The following OSBPL10 variants were observed in gnomAD, a reference collection of about 807,000 sequenced individuals.
OSBPL10 encodes the protein oxysterol binding protein like 10, also known as oxysterol-binding protein-related protein 10.
A neutral mutation model predicts 81.7 loss-of-function variants in OSBPL10; 49 were observed. That is an observed-to-expected ratio of 0.60 (90% CI 0.48 to 0.76). OSBPL10 has a LOEUF of 0.76. Ranked by LOEUF, OSBPL10 falls within the 30% of genes least tolerant of loss-of-function variation. The pLI, the probability that OSBPL10 is intolerant of heterozygous loss-of-function variation, is 0.00. For synonymous variants in OSBPL10, 419 were observed against 383.6 expected, an observed-to-expected ratio of 1.09 and a Z score of -1.08; for missense variants, 923 against 987.8, an observed-to-expected ratio of 0.93 and a Z score of 0.88.
chr3:31,786,760 G>T (rs1698871078), intron 4 of OSBPL10, among the ~76,000 whole-genome samples: 1 of 152,148 alleles, frequency 6.6e-6, no homozygotes, highest in Admixed American at 6.6e-5. Context: ...CACTTTAAAA[G>T]TTTTGGTTTT....
chr3:32,020,793 A>G (rs183543365), intron 2 of OSBPL10, among the ~76,000 whole-genome samples: 1 of 152,194 alleles, frequency 6.6e-6, no homozygotes, highest in East Asian at 1.9e-4. Context: ...TAGGAGTCCT[A>G]AGGAATGATG....
At chr3:31,892,675 A>AGCAAT in intron 1 of OSBPL10, among the ~76,000 whole-genome samples, 1 of 152,188 alleles carries the variant, frequency 6.6e-6, no homozygotes, top group Non-Finnish European at 1.5e-5. Flanking sequence ...GCTGACCGGT[A>AGCAAT]GTTCGACTGG....
intron 8 of OSBPL10, among the ~76,000 whole-genome samples, chr3:31,678,185 G>A (rs1054564701): frequency 2.0e-5 from 3 of 151,922 alleles, no homozygotes; most frequent in African/African-American, 7.2e-5. Context: ...TTCAGCTGCA[G>A]AGGCAATGAC....
At chr3:31,946,416 A>C (rs1462047447) in intron 1 of OSBPL10, among the ~76,000 whole-genome samples, 2 of 147,286 alleles carry the variant, frequency 1.4e-5, no homozygotes, top group African/African-American at 2.6e-5. Flanking sequence ...AAAAAAAAAA[A>C]ACCCTTGTAT....
chr3:31,749,128 A>C (rs1162751586), intron 4 of OSBPL10, among the ~76,000 whole-genome samples: 1 of 152,162 alleles, frequency 6.6e-6, no homozygotes, highest in Non-Finnish European at 1.5e-5. Context: ...TTTTTATTTG[A>C]AGTAACATCT....
At chr3:32,053,229 G>A (rs747645103) in intron 1 of OSBPL10, among the ~76,000 whole-genome samples, 2 of 152,200 alleles carry the variant, frequency 1.3e-5, no homozygotes, top group East Asian at 1.9e-4. Context: ...GGCACGTGAG[G>A]AAAGTGAAAC....
intron 3 of OSBPL10, among the ~76,000 whole-genome samples, chr3:31,850,744 T>C (rs1700744767): frequency 1.3e-5 from 2 of 152,220 alleles, no homozygotes. Flanking sequence ...ACTGAACCTG[T>C]CTTTGATTAA....
intron 4 of OSBPL10, among the ~76,000 whole-genome samples, chr3:31,782,918 C>A (rs142799850): frequency 9.9e-5 from 15 of 152,046 alleles, no homozygotes; most frequent in Non-Finnish European, 2.1e-4. Context: ...ACCATTTGAT[C>A]CAGCAATGCC....
chr3:32,010,954 T>G (rs549286269), intron 2 of OSBPL10, among the ~76,000 whole-genome samples: 7 of 152,230 alleles, frequency 4.6e-5, no homozygotes, highest in Non-Finnish European at 5.9e-5. Context: ...AAGCTCAAAC[T>G]GGTTGGAGCC....
At chr3:31,692,422 T>C (rs530134525) in intron 7 of OSBPL10, among the ~76,000 whole-genome samples, 2 of 152,240 alleles carry the variant, frequency 1.3e-5, no homozygotes, top group East Asian at 1.9e-4. Context: ...AGTAACCTCA[T>C]TTGGAGACCA....
intron 1 of OSBPL10, among the ~76,000 whole-genome samples, chr3:31,895,816 A>C (rs530147797): frequency 8.5e-5 from 13 of 152,358 alleles, no homozygotes; most frequent in Non-Finnish European, 1.5e-4. Flanking sequence ...GGGCAAGAGC[A>C]ACAAACTATA....
intron 1 of OSBPL10, among the ~76,000 whole-genome samples, chr3:31,909,196 A>T (rs1355425281): frequency 6.6e-6 from 1 of 152,240 alleles, no homozygotes; most frequent in Non-Finnish European, 1.5e-5. Flanking sequence ...TTGGCCCTCC[A>T]GTGGTCTCTC....
intron 8 of OSBPL10, among the ~76,000 whole-genome samples, chr3:31,675,100 G>A (rs1181009032): frequency 6.6e-6 from 1 of 152,080 alleles, no homozygotes; most frequent in African/African-American, 2.4e-5. Context: ...ATGTCTCCCT[G>A]GCACCATAAC....
intron 2 of OSBPL10, among the ~76,000 whole-genome samples, chr3:31,994,516 G>GGATA (rs1282879421): frequency 6.6e-6 from 1 of 152,086 alleles, no homozygotes; most frequent in Non-Finnish European, 1.5e-5. Context: ...ATGGATGGAT[G>GGATA]GATGGATGGA....
intron 4 of OSBPL10, among the ~76,000 whole-genome samples, chr3:31,752,282 C>A (rs1697745636): frequency 1.3e-5 from 2 of 152,318 alleles, no homozygotes; most frequent in South Asian, 4.1e-4. Context: ...CAACATTAAT[C>A]ATCCATGATT....
At chr3:31,784,911 G>A (rs998526154) in intron 4 of OSBPL10, among the ~76,000 whole-genome samples, 1 of 151,188 alleles carries the variant, frequency 6.6e-6, no homozygotes, top group African/African-American at 2.4e-5. Context: ...ACAGGATCTC[G>A]CTCTGTCACC....
chr3:31,971,391 C>T (rs62244386), intron 1 of OSBPL10, among the ~76,000 whole-genome samples: 12,436 of 152,124 alleles, frequency 0.082, 756 homozygotes, highest in East Asian at 0.3. Flanking sequence ...CCACCCACCT[C>T]GGCCTCCCAG....
chr3:31,925,293 T>C (rs565513086), intron 1 of OSBPL10, among the ~76,000 whole-genome samples: 1 of 152,152 alleles, frequency 6.6e-6, no homozygotes, highest in African/African-American at 2.4e-5. Context: ...TCATATGGCA[T>C]ACAAGACCCT....
intron 2 of OSBPL10, among the ~76,000 whole-genome samples, chr3:32,033,133 T>C (rs1471297360): frequency 6.6e-6 from 1 of 152,184 alleles, no homozygotes; most frequent in Non-Finnish European, 1.5e-5. Context: ...CAATTTGAAA[T>C]GTATATTAAA....
Sources: allele counts gnomAD v4.1 joint callset (sites outside exome capture counted in the v4.1 genomes callset), GRCh38; gene constraint gnomAD v4.1.1; transcripts MANE v1.5; gene names NCBI Gene and HGNC (gene_info 2026-07-23, HGNC 2026-07-21).